Variants in GALNTL6 observed in about 807,000 individuals in gnomAD.
GALNTL6 encodes the protein polypeptide N-acetylgalactosaminyltransferase like 6, also known as polypeptide N-acetylgalactosaminyltransferase-like 6.
In GALNTL6, 46 loss-of-function variants were observed where a neutral mutation model predicts 73.7. The ratio of observed to expected loss-of-function variants is 0.62; its 90% confidence interval spans 0.49 to 0.80. The LOEUF (loss-of-function observed/expected upper bound fraction) is 0.80, where lower values mean the gene tolerates loss of function less well. Ranked by LOEUF, GALNTL6 falls within the 30% of genes least tolerant of loss-of-function variation. The pLI is 0.00. For missense variants in GALNTL6, 604 were observed against 755.0 expected, an observed-to-expected ratio of 0.80 and a Z score of 2.34; for synonymous variants, 259 against 263.7, an observed-to-expected ratio of 0.98 and a Z score of 0.17.
chr4:173,037,091 T>G (rs1235546666), intron 12 of GALNTL6, among the ~76,000 whole-genome samples: 7 of 152,358 alleles, frequency 4.6e-5, no homozygotes, highest in Admixed American at 4.6e-4. Flanking sequence ...ATGCTTGCTA[T>G]GGGCAAGGCA....
chr4:172,069,470 TATATGTTATATATAACAC>T (rs1731449586), intron 2 of GALNTL6, among the ~76,000 whole-genome samples: 1 of 43,300 alleles, frequency 2.3e-5, no homozygotes, highest in Non-Finnish European at 6.7e-5. Context: ...ACATATAACA[TATATGTTATATATAACAC>T]ATATGTTATA....
At chr4:172,961,572 G>C (rs1309454348) in intron 10 of GALNTL6, among the ~76,000 whole-genome samples, 2 of 152,186 alleles carry the variant, frequency 1.3e-5, no homozygotes, top group Non-Finnish European at 2.9e-5. Flanking sequence ...CCAAGTCCGT[G>C]ACCGGCACCA....
chr4:172,083,358 A>C (rs1731937221), intron 2 of GALNTL6, among the ~76,000 whole-genome samples: 1 of 152,164 alleles, frequency 6.6e-6, no homozygotes, highest in East Asian at 1.9e-4. Flanking sequence ...TTTAAACATG[A>C]GCTAGTGATA....
At chr4:172,387,871 CTTCT>C (rs1241796109) in intron 5 of GALNTL6, among the ~76,000 whole-genome samples, 2 of 152,062 alleles carry the variant, frequency 1.3e-5, no homozygotes, top group African/African-American at 4.8e-5. Context: ...CTGTATCCTC[CTTCT>C]GAGACATTTT....
intron 10 of GALNTL6, among the ~76,000 whole-genome samples, chr4:172,956,140 G>A (rs886822888): frequency 7.9e-5 from 12 of 151,910 alleles, no homozygotes; most frequent in African/African-American, 2.7e-4. Flanking sequence ...TTTTTGGGGG[G>A]TGGTATGGAG....
intron 7 of GALNTL6, among the ~76,000 whole-genome samples, chr4:172,873,274 G>T (rs1180273791): frequency 6.6e-6 from 1 of 152,212 alleles, no homozygotes; most frequent in African/African-American, 2.4e-5. Flanking sequence ...TACTTAATGT[G>T]TTACAAAGAC....
intron 5 of GALNTL6, among the ~76,000 whole-genome samples, chr4:172,599,477 C>T (rs1737977382): frequency 6.6e-6 from 1 of 152,086 alleles, no homozygotes; most frequent in Non-Finnish European, 1.5e-5. Flanking sequence ...CCCTACTTGC[C>T]AGTTGTTATT....
intron 2 of GALNTL6, among the ~76,000 whole-genome samples, chr4:172,182,574 A>G (rs1352203407): frequency 6.9e-6 from 1 of 145,740 alleles, no homozygotes; most frequent in Non-Finnish European, 1.5e-5. Context: ...AAAAAAAGTG[A>G]TAAACAGGGC....
At chr4:172,066,425 T>G (rs1327995065) in intron 2 of GALNTL6, among the ~76,000 whole-genome samples, 1 of 152,240 alleles carries the variant, frequency 6.6e-6, no homozygotes, top group Non-Finnish European at 1.5e-5. Flanking sequence ...CATGACTTTC[T>G]TTGCTTTAGT....
intron 5 of GALNTL6, among the ~76,000 whole-genome samples, chr4:172,691,207 A>G (rs951844405): frequency 6.6e-6 from 1 of 152,210 alleles, no homozygotes; most frequent in Non-Finnish European, 1.5e-5. Flanking sequence ...TGCTACCAAG[A>G]GTAGAACACA....
At chr4:172,865,907 C>T (rs1235304912) in intron 7 of GALNTL6, among the ~76,000 whole-genome samples, 1 of 152,186 alleles carries the variant, frequency 6.6e-6, no homozygotes, top group African/African-American at 2.4e-5. Context: ...TGTTTCCATG[C>T]CCGACTCTCA....
At chr4:172,869,411 A>G (rs1190128417) in intron 7 of GALNTL6, among the ~76,000 whole-genome samples, 4 of 152,162 alleles carry the variant, frequency 2.6e-5, no homozygotes, top group Non-Finnish European at 4.4e-5. Flanking sequence ...AAAGATCTAC[A>G]AGGGAGCCGG....
At position 172,488,628 on chromosome 4, in the gene GALNTL6, A is replaced by G. The variant is rs185442741; in HGVS notation, c.553+139939A>G. On this transcript the variant is annotated intron_variant, in intron 5 of 12. Transcript: ENST00000506823. ...TGGCCTTCATTTTAGTACCCACTAA[A>G]GCTAAATAGTATCACTTTCTTGTAT... 1.1e-3 allele frequency among the ~76,000 whole-genome samples: 175 copies of G among 152,334 alleles called. 1 individual carries two copies. Among genetic ancestry groups the G allele is most frequent in the African/African-American group, 3.9e-3 (161 of 41,586 alleles).
chr4:172,063,257 A>C (rs1374383092), intron 2 of GALNTL6, among the ~76,000 whole-genome samples: 1 of 152,224 alleles, frequency 6.6e-6, no homozygotes, highest in Non-Finnish European at 1.5e-5. Flanking sequence ...AGAAGGAAAG[A>C]GTAGTTTCTC....
intron 2 of GALNTL6, among the ~76,000 whole-genome samples, chr4:172,055,236 C>T (rs540996459): frequency 5.9e-5 from 9 of 152,226 alleles, no homozygotes; most frequent in South Asian, 2.1e-4. Flanking sequence ...AGCCTCCTTT[C>T]GCTTTCAGAT....
chr4:172,977,459 G>A (rs1489941513), intron 10 of GALNTL6, among the ~76,000 whole-genome samples: 2 of 152,206 alleles, frequency 1.3e-5, no homozygotes, highest in Admixed American at 6.5e-5. Flanking sequence ...GTCTCCATCA[G>A]GTGGTTGTTG....
intron 4 of GALNTL6, among the ~76,000 whole-genome samples, chr4:172,317,256 C>A (rs554233272): frequency 1.3e-5 from 2 of 152,286 alleles, no homozygotes; most frequent in East Asian, 3.9e-4. Flanking sequence ...AATAATGATT[C>A]TAAATATATT....
intron 5 of GALNTL6, among the ~76,000 whole-genome samples, chr4:172,598,996 T>G (rs1737958560): frequency 6.6e-6 from 1 of 152,080 alleles, no homozygotes; most frequent in Non-Finnish European, 1.5e-5. Flanking sequence ...CTTTCCTTCA[T>G]AAAGTAGGAG....
rs544518117 is a variant in GALNTL6, at chr4:172,419,925, T to G, written c.553+71236T>G. Among the ~76,000 whole-genome samples the G allele has an allele frequency of 2.6e-5, 4 of 152,332 alleles. No individual in the cohort carries two copies. In the South Asian group the frequency reaches 8.3e-4, roughly 32 times the overall value. On this transcript the variant is annotated intron_variant, in intron 5 of 12. Transcript: ENST00000506823. ...AACTGCACAAAAGTTTCAGAATTTC[T>G]TCAAATATCATTTATGTTTTGATTC... is the stretch of plus-strand genomic sequence containing the variant.
Sources: gnomAD v4.1 joint callset for allele counts (sites outside exome capture counted in the v4.1 genomes callset) on GRCh38, gnomAD v4.1.1 for gene constraint, MANE v1.5 for transcripts, NCBI Gene and HGNC (gene_info 2026-07-23, HGNC 2026-07-21) for gene names.